Variants in PIKFYVE observed in about 807,000 individuals in gnomAD.
PIKFYVE encodes phosphoinositide kinase, FYVE-type zinc finger containing.
Under a neutral mutation model 257.9 loss-of-function variants are expected in PIKFYVE, and 122 were observed. The ratio of observed to expected loss-of-function variants is 0.47; its 90% CI spans 0.41 to 0.55. The LOEUF (loss-of-function observed/expected upper bound fraction) is 0.55. Ranked by LOEUF, PIKFYVE falls within the 20% of genes least tolerant of loss-of-function variation. PIKFYVE has a pLI of 0.00. For synonymous variants in PIKFYVE, 892 were observed against 868.9 expected (o/e 1.03, Z -0.47); for missense variants, 2,160 against 2,536.6 (o/e 0.85, Z 3.19).
At chr2:208,347,062 C>T (rs1574744260) in intron 34 of PIKFYVE, among the ~76,000 whole-genome samples, 1 of 152,184 alleles carries the variant, frequency 6.6e-6, no homozygotes, top group East Asian at 1.9e-4. Context: ...TGATCCTTTC[C>T]TGGTGCTGTA....
chr2:208,340,024 G>T lies in PIKFYVE; in HGVS notation c.4824G>T (p.Gly1608=), dbSNP rs1698553603. The T allele has an allele frequency of 2.5e-6, 4 of 1,613,460 alleles. No homozygotes were observed. Among genetic ancestry groups the T allele is most frequent in the Non-Finnish European group, 3.4e-6 (4 of 1,179,424 alleles). The part of the protein sequence containing the change: ...TASSSEDVFD[G]HLLGSTDSQV... ...TTTTCATTTTAGATGTGTTTGATGG[G>T]CATTTGCTGGGATCCACAGACAGCC... The change falls in exon 31 of 42, where the codon GGG becomes GGT. Residue 1608 remains glycine, a synonymous_variant. Coordinates refer to ENST00000264380, the MANE Select transcript of PIKFYVE (RefSeq NM_015040.4).
chr2:208,325,120 A>T (rs775136312), intron 19 of PIKFYVE, 83 bp downstream of exon 19: 1 of 1,595,968 alleles, frequency 6.3e-7, no homozygotes, highest in African/African-American at 1.3e-5. Flanking sequence ...GGAAATACCT[A>T]TTAATAGTGG....
intron 32 of PIKFYVE, 79 bp from the exon 33 acceptor site, chr2:208,345,032 A>G (rs1699100739): frequency 1.9e-6 from 2 of 1,064,564 alleles, no homozygotes; most frequent in Non-Finnish European, 2.9e-6. Flanking sequence ...CTATAATGCA[A>G]AACTTACTCT....
chr2:208,331,674 C>T (rs1697559248), intron 23 of PIKFYVE, among the ~76,000 whole-genome samples: 1 of 152,168 alleles, frequency 6.6e-6, no homozygotes, highest in South Asian at 2.1e-4. Flanking sequence ...CAGCGCCTGG[C>T]CTTAATTGGG....
intron 5 of PIKFYVE, among the ~76,000 whole-genome samples, chr2:208,284,585 T>A (rs543282584): frequency 1.4e-4 from 21 of 151,586 alleles, no homozygotes; most frequent in Admixed American, 2.6e-4. Context: ...TAATAATTCT[T>A]TTATAGTTTT....
In PIKFYVE at chr2:208,327,450, G is replaced by A. The variant is rs867657227; in HGVS notation, c.3619-730G>A. Among the ~76,000 whole-genome samples the A allele has an allele frequency of 5.9e-5, 9 of 152,124 alleles. No individual in the cohort carries two copies. In the South Asian group the frequency reaches 1.9e-3, roughly 31 times the overall value. ...TATTGAAACAGTTTAAGGATGAGCA[G>A]GATCTCAAGTCATTTAATGACTTGG... On this transcript the variant is annotated intron_variant, in intron 20 of 41. Coordinates refer to ENST00000264380, the MANE Select transcript of PIKFYVE (RefSeq NM_015040.4).
At chr2:208,349,011 A>C (rs1193864998) in intron 35 of PIKFYVE, among the ~76,000 whole-genome samples, 1 of 152,080 alleles carries the variant, frequency 6.6e-6, no homozygotes, top group Non-Finnish European at 1.5e-5. Flanking sequence ...GAAAATAAAA[A>C]AATTAGCCGG....
In PIKFYVE at chr2:208,315,287, G is replaced by T. The variant is rs765466361; in HGVS notation, c.1921G>T (p.Val641Phe). Residue 641 changes from valine to phenylalanine, a missense_variant, in exon 15 of 42, where the codon GTC becomes TTC. Around this residue, in one of 12 missense-constraint regions of PIKFYVE, gnomAD observed 346 missense variants for 365.6 expected, o/e 0.95. Coordinates refer to ENST00000264380, the MANE Select transcript of PIKFYVE (RefSeq NM_015040.4). ...TTGGAGGGACATCATCGTGTCATTG[G>T]TCTGCCAGGTTGTTCAGACAGTCCG... ...SSWRDIIVSL[V>F]CQVVQTVRPD... is the part of the protein sequence containing the mutation. The T allele has an allele frequency of 6.2e-7, 1 of 1,614,118 alleles. No homozygotes were observed. Among genetic ancestry groups the T allele is most frequent in the East Asian group, 2.2e-5 (1 of 44,854 alleles).
intron 15 of PIKFYVE, among the ~76,000 whole-genome samples, chr2:208,315,880 T>A (rs138554379): frequency 0.049 from 7,460 of 151,856 alleles, 402 homozygotes; most frequent in African/African-American, 0.13. Context: ...TCTTTTTTTT[T>A]AATTATTATT....
At position 208,355,226 on chromosome 2, in the gene PIKFYVE, G is replaced by C; in HGVS notation, c.6218G>C (p.Arg2073Thr). 6.2e-7 allele frequency: 1 copy of C among 1,614,002 alleles called. No homozygotes were observed. Among genetic ancestry groups the C allele is most frequent in the African/African-American group, 1.3e-5 (1 of 75,014 alleles). ...ACAGTGGTGTCTCCGGAGTTGTACA[G>C]GACTAGGTTTTGTGAGGCAATGGAC... The part of the protein sequence containing the change: ...MPTVVSPELY[R>T]TRFCEAMDKY... The change falls in exon 42 of 42, where the codon AGG becomes ACG. Residue 2073 changes from arginine (R) to threonine (T), a missense_variant. This residue lies in a region of PIKFYVE where 38 missense variants were observed against 77.7 expected (regional missense o/e 0.49). Coordinates refer to ENST00000264380, the MANE Select transcript of PIKFYVE (RefSeq NM_015040.4).
intron 16 of PIKFYVE, among the ~76,000 whole-genome samples, chr2:208,318,339 T>C (rs1370370): frequency 0.93 from 141,543 of 152,176 alleles, 66,352 homozygotes; most frequent in Non-Finnish European, 0.98. Flanking sequence ...ACTGTCAGTC[T>C]TCTTCTGTTA....
intron 7 of PIKFYVE, among the ~76,000 whole-genome samples, chr2:208,294,647 CCT>C (rs550481635): frequency 1.9e-3 from 293 of 152,032 alleles, no homozygotes; most frequent in Non-Finnish European, 3.6e-3. Flanking sequence ...GTTTTTTTCC[CCT>C]TAGGTGAGAC....
intron 17 of PIKFYVE, among the ~76,000 whole-genome samples, chr2:208,323,222 T>G (rs1696500550): frequency 1.3e-5 from 2 of 150,638 alleles, no homozygotes; most frequent in African/African-American, 4.9e-5. Context: ...AACTCGTCAT[T>G]TAGCATTAGG....
intron 27 of PIKFYVE, 25 bp from the exon 28 acceptor site, chr2:208,336,813 A>G (rs1280045647): frequency 3.4e-6 from 5 of 1,479,392 alleles, no homozygotes; most frequent in African/African-American, 1.4e-5. Context: ...CCATATATAT[A>G]TATATTTTTT....
intron 3 of PIKFYVE, among the ~76,000 whole-genome samples, chr2:208,276,041 A>G (rs1339116592): frequency 6.6e-6 from 1 of 152,114 alleles, no homozygotes; most frequent in Non-Finnish European, 1.5e-5. Flanking sequence ...ATCCTTTCCT[A>G]TTTGGAGCTG....
intron 5 of PIKFYVE, among the ~76,000 whole-genome samples, chr2:208,285,030 T>G (rs1295817988): frequency 6.6e-6 from 1 of 152,070 alleles, no homozygotes; most frequent in East Asian, 1.9e-4. Context: ...AAAAATACTC[T>G]TTTAAGCAAA....
At chr2:208,349,285 G>T (rs1699539168) in intron 35 of PIKFYVE, among the ~76,000 whole-genome samples, 1 of 152,068 alleles carries the variant, frequency 6.6e-6, no homozygotes, top group African/African-American at 2.4e-5. Flanking sequence ...GGAAGGCATA[G>T]ATGCTTCAAA....
intron 25 of PIKFYVE, 109 bp downstream of exon 25, chr2:208,335,528 C>CATAGCATACAA: frequency 9.5e-6 from 9 of 947,830 alleles, no homozygotes; most frequent in Non-Finnish European, 1.5e-5. Flanking sequence ...TAATTGTATG[C>CATAGCATACAA]TATGCATGCT....
intron 16 of PIKFYVE, 81 bp downstream of exon 16, chr2:208,318,022 G>A (rs1317418602): frequency 7.3e-7 from 1 of 1,368,592 alleles, no homozygotes; most frequent in East Asian, 2.3e-5. Context: ...CCTTAGTTAT[G>A]GAAGAAATGG....
Sources: allele counts gnomAD v4.1 joint callset (sites outside exome capture counted in the v4.1 genomes callset), GRCh38; gene constraint gnomAD v4.1.1; regional missense constraint gnomAD v4.1.1; transcripts MANE v1.5; gene names NCBI Gene and HGNC (gene_info 2026-07-23, HGNC 2026-07-21).